Variants in CNTNAP2 observed in about 807,000 individuals in gnomAD.
CNTNAP2 encodes the protein contactin-associated protein-like 2.
Under a neutral mutation model 155.2 loss-of-function variants are expected in CNTNAP2, and 98 were observed. The ratio of observed to expected loss-of-function variants is 0.63; its 90% CI spans 0.54 to 0.75. The LOEUF (loss-of-function observed/expected upper bound fraction) is 0.75, where lower values mean the gene tolerates loss of function less well. Among genes scored for constraint, CNTNAP2 ranks in the 30% least tolerant of loss-of-function variants. The probability of loss-of-function intolerance (pLI) is 0.00; values close to 1 mark genes in which losing one functional copy is unlikely to be tolerated. For missense variants in CNTNAP2, 1,727 were observed against 1,688.1 expected, an observed-to-expected ratio of 1.02 and a Z score of -0.40; for synonymous variants, 651 against 631.2, an observed-to-expected ratio of 1.03 and a Z score of -0.47.
intron 3 of CNTNAP2, among the ~76,000 whole-genome samples, chr7:146,940,807 A>C (rs867574115): frequency 6.8e-6 from 1 of 148,052 alleles, no homozygotes; most frequent in Non-Finnish European, 1.5e-5. Context: ...TGTTATATAT[A>C]TGTGTGTGTG....
In CNTNAP2 at chr7:146,520,161, A is replaced by T. The variant is rs1784811165; in HGVS notation, c.98-254110A>T. 2.0e-5 allele frequency among the ~76,000 whole-genome samples: 3 copies of T among 151,468 alleles called. No individual in the cohort carries two copies. The South Asian group carries it at 6.2e-4, about 31-fold the overall frequency. Reference sequence around the variant, plus strand: ...ACCCAAAACCTTTAATGAATAAAAAAGATATATCCTAACTAATTAAATAAT... The same window carrying T: ...ACCCAAAACCTTTAATGAATAAAAATGATATATCCTAACTAATTAAATAAT... On this transcript the variant is annotated intron_variant, in intron 1 of 23. Coordinates refer to ENST00000361727, the MANE Select transcript of CNTNAP2 (RefSeq NM_014141.6).
chr7:147,396,828 T>G (rs1328196998), intron 10 of CNTNAP2, among the ~76,000 whole-genome samples: 2 of 152,042 alleles, frequency 1.3e-5, no homozygotes, highest in Non-Finnish European at 2.9e-5. Flanking sequence ...ATTTTGTGTT[T>G]AGGGAAGATG....
At chr7:146,845,069 T>C (rs1479205615) in intron 3 of CNTNAP2, among the ~76,000 whole-genome samples, 1 of 152,142 alleles carries the variant, frequency 6.6e-6, no homozygotes, top group East Asian at 1.9e-4. Context: ...GCTTTTCCCA[T>C]GTACAAATGC....
intron 7 of CNTNAP2, among the ~76,000 whole-genome samples, chr7:147,131,786 A>G (rs958131656): frequency 2.3e-4 from 35 of 152,078 alleles, no homozygotes; most frequent in Admixed American, 6.6e-5. Context: ...CAAACATATG[A>G]CCATAGTCCC....
chr7:147,032,342 A>C (rs1218027697), intron 3 of CNTNAP2, among the ~76,000 whole-genome samples: 1 of 152,202 alleles, frequency 6.6e-6, no homozygotes, highest in Non-Finnish European at 1.5e-5. Context: ...CTTCTGTGGC[A>C]CATATTCCAG....
At chr7:147,566,008 C>T (rs777399199) in intron 12 of CNTNAP2, among the ~76,000 whole-genome samples, 67 of 151,188 alleles carry the variant, frequency 4.4e-4, no homozygotes, top group Middle Eastern at 3.4e-3. Context: ...AGGCGGGACA[C>T]GATGACTCAC....
chr7:147,647,817 C>T (rs1393432679), intron 13 of CNTNAP2, among the ~76,000 whole-genome samples: 1 of 152,078 alleles, frequency 6.6e-6, no homozygotes, highest in African/African-American at 2.4e-5. Context: ...TAGGAAAGTC[C>T]TATAATTGGG....
At chr7:147,925,302 A>G (rs866285200) in intron 14 of CNTNAP2, among the ~76,000 whole-genome samples, 8,546 of 100,216 alleles carry the variant, frequency 0.085, 581 homozygotes, top group South Asian at 0.17. Context: ...GCACACACAC[A>G]CACACACACA....
At chr7:147,533,504 C>T (rs777245647) in intron 11 of CNTNAP2, among the ~76,000 whole-genome samples, 2 of 151,698 alleles carry the variant, frequency 1.3e-5, no homozygotes, top group Middle Eastern at 3.4e-3. Flanking sequence ...AAGTTAAATA[C>T]CTATATTTAT....
In CNTNAP2 at chr7:147,107,245, AT is replaced by A. The variant is rs1264667017; in HGVS notation, c.551-901del. On this transcript the variant is annotated intron_variant, in intron 4 of 23. Transcript: ENST00000361727. The stretch of plus-strand genomic sequence containing the variant: ...CTATGAATCGAGAATGCATTGACCA[AT>A]AGTGCCTAATAAATAATATCATCTC... 2.0e-5 allele frequency among the ~76,000 whole-genome samples: 3 copies of A among 152,216 alleles called. No individual in the cohort carries two copies. In the East Asian group the frequency reaches 5.8e-4, roughly 29 times the overall value.
intron 3 of CNTNAP2, among the ~76,000 whole-genome samples, chr7:147,043,582 C>T (rs1324857445): frequency 6.6e-6 from 1 of 152,162 alleles, no homozygotes; most frequent in African/African-American, 2.4e-5. Flanking sequence ...CTATAAAAAT[C>T]ATTTATTGTA....
chr7:146,470,087 T>C lies in CNTNAP2; in HGVS notation c.98-304184T>C, dbSNP rs895771207. On this transcript the variant is annotated intron_variant, in intron 1 of 23. Coordinates refer to ENST00000361727, the MANE Select transcript of CNTNAP2 (RefSeq NM_014141.6). ...ATCTCCTGACCTCGTGATCTGCCCG[T>C]CTCGGCCTCCCAAAGTGCTGGGATT... 6.7e-5 allele frequency among the ~76,000 whole-genome samples: 10 copies of C among 149,474 alleles called. No homozygotes were observed. The South Asian group carries it at 1.9e-3, about 29-fold the overall frequency.
chr7:146,396,271 A>C (rs1795625722), intron 1 of CNTNAP2, among the ~76,000 whole-genome samples: 1 of 152,150 alleles, frequency 6.6e-6, no homozygotes, highest in African/African-American at 2.4e-5. Flanking sequence ...TACTCACAAC[A>C]TTTCAACAAC....
intron 10 of CNTNAP2, among the ~76,000 whole-genome samples, chr7:147,472,576 A>T (rs532528355): frequency 6.6e-6 from 1 of 152,246 alleles, no homozygotes; most frequent in South Asian, 2.1e-4. Flanking sequence ...TTGAGAATGA[A>T]TTAAAGCAAG....
At position 146,721,409 on chromosome 7, in the gene CNTNAP2, T is replaced by C. The variant is rs1165597619; in HGVS notation, c.98-52862T>C. 9.1e-4 allele frequency among the ~76,000 whole-genome samples: 116 copies of C among 128,038 alleles called. 1 individual carries two copies. Among genetic ancestry groups the C allele is most frequent in the Admixed American group, 1.1e-3 (13 of 12,084 alleles). 84.0% of individuals were successfully genotyped at this position (128,038 alleles called of 152,430 possible). ...ATACATTCTATATACATTCTATATA[T>C]ATTCTATATATACATTCTATATATA... On this transcript the variant is annotated intron_variant, in intron 1 of 23. Transcript: ENST00000361727.
rs189025250 is a variant in CNTNAP2, at chr7:148,358,238, C to T, written c.3476-25411C>T. ...AAGAGACTTGTTCATCATTTCGAGG[C>T]GCCTGTGCTTTCTACTAGAGATAGT... On this transcript the variant is annotated intron_variant, in intron 21 of 23. Coordinates refer to ENST00000361727, the MANE Select transcript of CNTNAP2 (RefSeq NM_014141.6). 1.5e-3 allele frequency among the ~76,000 whole-genome samples: 226 copies of T among 152,214 alleles called. 1 individual carries two copies. Among genetic ancestry groups the T allele is most frequent in the African/African-American group, 4.6e-3 (191 of 41,526 alleles).
chr7:148,339,824 ATCT>A (rs1364478770), intron 21 of CNTNAP2, among the ~76,000 whole-genome samples: 2 of 152,102 alleles, frequency 1.3e-5, no homozygotes, highest in Non-Finnish European at 1.5e-5. Context: ...CCGATTCTTG[ATCT>A]TCTCTCTGCA....
intron 3 of CNTNAP2, among the ~76,000 whole-genome samples, chr7:146,925,590 C>A (rs115976240): frequency 0.011 from 1,708 of 152,000 alleles, 26 homozygotes; most frequent in African/African-American, 0.038. Flanking sequence ...GAGGAAGATC[C>A]AGTAGTTAAA....
chr7:148,046,298 A>G (rs1802773159), intron 15 of CNTNAP2, among the ~76,000 whole-genome samples: 1 of 152,110 alleles, frequency 6.6e-6, no homozygotes, highest in Admixed American at 6.6e-5. Flanking sequence ...TTTGCTGCTG[A>G]GCAATTATAG....
Sources: allele counts gnomAD v4.1 joint callset (sites outside exome capture counted in the v4.1 genomes callset), GRCh38; gene constraint gnomAD v4.1.1; transcripts MANE v1.5; gene names NCBI Gene and HGNC (gene_info 2026-07-23, HGNC 2026-07-21).